Variants in SEMA3E observed in about 807,000 individuals in gnomAD.
The protein encoded by SEMA3E is semaphorin-3E.
In SEMA3E, 49 loss-of-function variants were observed where a neutral mutation model predicts 93.6. The observed-to-expected ratio is 0.52, with a 90% CI of 0.42 to 0.66. The LOEUF (loss-of-function observed/expected upper bound fraction) is 0.66. Among genes scored for constraint, SEMA3E ranks in the 30% least tolerant of loss-of-function variants. The pLI is 0.00. For synonymous variants in SEMA3E, 363 were observed against 330.7 expected (o/e 1.10, Z -1.06); for missense variants, 906 against 964.8 (o/e 0.94, Z 0.81).
chr7:83,616,338 T>C (rs60918577), intron 1 of SEMA3E, among the ~76,000 whole-genome samples: 2,593 of 152,266 alleles, frequency 0.017, 82 homozygotes, highest in African/African-American at 0.059. Flanking sequence ...ATGTTTTGCA[T>C]TTCCTACTTT....
intron 1 of SEMA3E, among the ~76,000 whole-genome samples, chr7:83,536,543 A>G (rs1791413527): frequency 3.3e-5 from 5 of 152,108 alleles, no homozygotes; most frequent in Admixed American, 2.6e-4. Context: ...AACAAGTAAA[A>G]CAATAAAAGA....
chr7:83,627,628 C>CTTT lies in SEMA3E; in HGVS notation c.115+20797_115+20799dup, dbSNP rs746550123. ...TCAGAGATGAAGATCGCAACCCCTG[C>CTTT]TTTTTTTTTTTTTTTTTTTTTTTTG... is the stretch of plus-strand genomic sequence containing the variant. On this transcript the variant is annotated intron_variant, in intron 1 of 16. Coordinates refer to ENST00000643230, the MANE Select transcript of SEMA3E (RefSeq NM_012431.3). Among the ~76,000 whole-genome samples the CTTT allele has an allele frequency of 4.5e-3, 297 of 65,308 alleles. 9 individuals are homozygous for CTTT. The highest frequency in any genetic ancestry group is 0.017 in the African/African-American group (239 of 14,138). The allele number at this position is 65,308 out of a possible 152,430, so 42.8% of individuals were successfully genotyped here.
At chr7:83,483,518 T>C (rs936238708) in intron 2 of SEMA3E, among the ~76,000 whole-genome samples, 1 of 152,044 alleles carries the variant, frequency 6.6e-6, no homozygotes, top group Admixed American at 6.5e-5. Context: ...TAAGGATCCC[T>C]AGGTTTTGCC....
chr7:83,470,862 CT>C (rs60392556), intron 2 of SEMA3E, among the ~76,000 whole-genome samples: 15,278 of 139,678 alleles, frequency 0.11, 744 homozygotes, highest in Non-Finnish European at 0.13. Flanking sequence ...CCCACATTTT[CT>C]TTTTTTTTTT....
chr7:83,420,277 G>T (rs559341135), intron 4 of SEMA3E, among the ~76,000 whole-genome samples: 17 of 152,034 alleles, frequency 1.1e-4, no homozygotes, highest in Middle Eastern at 6.8e-3. Flanking sequence ...CCTCTATAAG[G>T]AGATACTGCT....
At chr7:83,405,753 G>A (rs1239621484) in intron 8 of SEMA3E, among the ~76,000 whole-genome samples, 192 bp downstream of exon 8, 1 of 152,018 alleles carries the variant, frequency 6.6e-6, no homozygotes, top group Non-Finnish European at 1.5e-5. Flanking sequence ...CTAACAAGAT[G>A]AGCCTCTTTT....
chr7:83,492,272 C>T (rs1357216474), intron 1 of SEMA3E, among the ~76,000 whole-genome samples: 1 of 151,874 alleles, frequency 6.6e-6, no homozygotes, highest in Non-Finnish European at 1.5e-5. Flanking sequence ...AAGAGGCAGC[C>T]CATCCAGTAA....
At chr7:83,607,402 T>C (rs1227041957) in intron 1 of SEMA3E, among the ~76,000 whole-genome samples, 2 of 152,230 alleles carry the variant, frequency 1.3e-5, no homozygotes, top group Non-Finnish European at 2.9e-5. Context: ...CATACTGTCT[T>C]GTAGAGGCTT....
intron 1 of SEMA3E, among the ~76,000 whole-genome samples, chr7:83,511,617 G>C (rs1020118995): frequency 1.3e-5 from 2 of 152,132 alleles, no homozygotes; most frequent in African/African-American, 4.8e-5. Flanking sequence ...TAGTGCGGTG[G>C]CTCATGCCTG....
Position 83,639,170 on chromosome 7 carries a change from T to C in SEMA3E, c.115+9258A>G, listed in dbSNP as rs183504473. 9.7e-5 allele frequency among the ~76,000 whole-genome samples: 14 copies of C among 144,770 alleles called. No homozygotes were observed. The East Asian group carries it at 2.5e-3, about 26-fold the overall frequency. The allele number at this position is 144,770 out of a possible 152,430, so 95.0% of individuals were successfully genotyped here. A position where few individuals can be genotyped will look rare whatever the true frequency, so the allele number is the denominator to read the frequency against. ...GATTCCTGAGCCTCAGAATTATTGA[T>C]TCAGTAGATCTGATTCAGCAGCTCC... is the stretch of plus-strand genomic sequence containing the variant. On this transcript the variant is annotated intron_variant, in intron 1 of 16. Coordinates refer to ENST00000643230, the MANE Select transcript of SEMA3E (RefSeq NM_012431.3).
chr7:83,431,094 GA>G (rs869043431), intron 4 of SEMA3E, among the ~76,000 whole-genome samples: 3 of 8,444 alleles, frequency 3.6e-4, no homozygotes, highest in African/African-American at 4.6e-4. Flanking sequence ...AGAAAAAAAA[GA>G]AAAAAAAAAA....
At chr7:83,449,553 A>G (rs1325661469) in intron 4 of SEMA3E, among the ~76,000 whole-genome samples, 6 of 152,134 alleles carry the variant, frequency 3.9e-5, no homozygotes, top group South Asian at 2.1e-4. Context: ...TCTAAACTAC[A>G]GAGACAAAAT....
intron 1 of SEMA3E, among the ~76,000 whole-genome samples, chr7:83,640,814 G>C (rs939521669): frequency 6.6e-6 from 1 of 152,048 alleles, no homozygotes; most frequent in Admixed American, 6.6e-5. Flanking sequence ...AAGAGAGAAG[G>C]GGTGGTGCCA....
intron 1 of SEMA3E, among the ~76,000 whole-genome samples, chr7:83,645,907 C>T (rs302120): frequency 0.013 from 2,033 of 152,066 alleles, 44 homozygotes; most frequent in African/African-American, 0.046. Context: ...ATTTAACTCA[C>T]GCTCTGTATA....
chr7:83,482,571 A>AG (rs1255503180), intron 2 of SEMA3E, among the ~76,000 whole-genome samples: 5 of 115,822 alleles, frequency 4.3e-5, no homozygotes, highest in Non-Finnish European at 7.8e-5. Context: ...TCTCAAAAAA[A>AG]AAAAAAAAAA....
intron 4 of SEMA3E, among the ~76,000 whole-genome samples, chr7:83,424,347 C>A (rs1788728163): frequency 6.6e-6 from 1 of 152,090 alleles, no homozygotes. Context: ...CGACCCTGTC[C>A]TGAAACTTGA....
intron 1 of SEMA3E, among the ~76,000 whole-genome samples, chr7:83,522,834 C>A (rs1023663442): frequency 4.6e-4 from 70 of 152,140 alleles, no homozygotes; most frequent in African/African-American, 1.7e-3. Flanking sequence ...TCATCCAAGA[C>A]TTTTTCCCTC....
At chr7:83,443,964 T>C (rs1042035842) in intron 4 of SEMA3E, among the ~76,000 whole-genome samples, 28 of 151,818 alleles carry the variant, frequency 1.8e-4, no homozygotes, top group Non-Finnish European at 3.4e-4. Flanking sequence ...TTTCAATGAA[T>C]GATTTCAATG....
intron 2 of SEMA3E, among the ~76,000 whole-genome samples, chr7:83,470,373 G>A (rs1243367374): frequency 2.0e-5 from 3 of 151,828 alleles, no homozygotes; most frequent in Non-Finnish European, 2.9e-5. Flanking sequence ...TCTTTTCTCA[G>A]ACTCCTTTTG....
Sources: allele counts gnomAD v4.1 joint callset (sites outside exome capture counted in the v4.1 genomes callset), GRCh38; gene constraint gnomAD v4.1.1; transcripts MANE v1.5; gene names NCBI Gene and HGNC (gene_info 2026-07-23, HGNC 2026-07-21).